The following BRINP3 variants were observed in gnomAD, a reference collection of about 807,000 sequenced individuals.
The protein encoded by BRINP3 is BMP/retinoic acid-inducible neural-specific protein 3.
Under a neutral mutation model 71.0 loss-of-function variants are expected in BRINP3, and 19 were observed. The ratio of observed to expected loss-of-function variants is 0.27; its 90% CI spans 0.19 to 0.39. The LOEUF (loss-of-function observed/expected upper bound fraction) is 0.39. Ranked by LOEUF, BRINP3 falls within the 10% of genes least tolerant of loss-of-function variation. The pLI is 1.00. For missense variants in BRINP3, 959 were observed against 940.8 expected, an observed-to-expected ratio of 1.02 and a Z score of -0.25; for synonymous variants, 380 against 337.7, an observed-to-expected ratio of 1.13 and a Z score of -1.37.
intron 2 of BRINP3, among the ~76,000 whole-genome samples, chr1:190,283,073 T>C (rs1322914784): frequency 4.6e-5 from 7 of 152,002 alleles, no homozygotes; most frequent in Admixed American, 4.6e-4. Context: ...TTAGTACTTG[T>C]GGCACATATT....
At position 190,202,993 on chromosome 1, in the gene BRINP3, T is replaced by C. The variant is rs553595762; in HGVS notation, c.961+23089A>G. Among the ~76,000 whole-genome samples, 18 of 152,194 alleles carry C rather than the reference T, an allele frequency of 1.2e-4. No homozygotes were observed. The South Asian group carries it at 3.7e-3, about 32-fold the overall frequency. ...AGATCCCCTATACTTGAGCTCCATT[T>C]AGGTTATTGTAATAATAAACATGGC... On this transcript the variant is annotated intron_variant, in intron 6 of 7. Coordinates refer to ENST00000367462, the MANE Select transcript of BRINP3 (RefSeq NM_199051.3).
At chr1:190,248,688 A>G (rs1659840887) in intron 4 of BRINP3, among the ~76,000 whole-genome samples, 1 of 151,798 alleles carries the variant, frequency 6.6e-6, no homozygotes, top group African/African-American at 2.4e-5. Context: ...TAGTACATAT[A>G]TTCAGAGTCT....
At chr1:190,218,761 C>T (rs1656625716) in intron 6 of BRINP3, among the ~76,000 whole-genome samples, 1 of 152,028 alleles carries the variant, frequency 6.6e-6, no homozygotes, top group African/African-American at 2.4e-5. Context: ...CCTCTATTCA[C>T]CAATGTCTGC....
At chr1:190,440,686 T>A (rs898802273) in intron 2 of BRINP3, among the ~76,000 whole-genome samples, 1 of 152,018 alleles carries the variant, frequency 6.6e-6, no homozygotes, top group Non-Finnish European at 1.5e-5. Flanking sequence ...TTCTATAACG[T>A]CAACTTATCA....
intron 2 of BRINP3, among the ~76,000 whole-genome samples, chr1:190,283,703 G>C (rs889987549): frequency 6.7e-6 from 1 of 149,888 alleles, no homozygotes; most frequent in Non-Finnish European, 1.5e-5. Flanking sequence ...AAGATCATTT[G>C]AAATCAAATA....
intron 7 of BRINP3, among the ~76,000 whole-genome samples, chr1:190,107,553 C>A (rs1327908989): frequency 1.3e-5 from 2 of 151,866 alleles, no homozygotes; most frequent in Non-Finnish European, 2.9e-5. Flanking sequence ...TAATTAAGCC[C>A]ACTATAACAA....
At chr1:190,263,507 C>A (rs920906743) in intron 4 of BRINP3, among the ~76,000 whole-genome samples, 1 of 151,814 alleles carries the variant, frequency 6.6e-6, no homozygotes, top group Non-Finnish European at 1.5e-5. Context: ...CAGTACATCC[C>A]GAACAAAAAG....
chr1:190,294,496 C>G (rs1664102290), intron 2 of BRINP3, among the ~76,000 whole-genome samples: 1 of 152,002 alleles, frequency 6.6e-6, no homozygotes, highest in African/African-American at 2.4e-5. Context: ...AAGTGATCCT[C>G]CTGCCTTGGC....
intron 2 of BRINP3, among the ~76,000 whole-genome samples, chr1:190,301,513 T>C (rs1664737273): frequency 6.6e-6 from 1 of 151,720 alleles, no homozygotes; most frequent in Non-Finnish European, 1.5e-5. Flanking sequence ...TGTTATTCCA[T>C]AATTCCTTCA....
chr1:190,447,299 G>T (rs868646410), intron 2 of BRINP3, among the ~76,000 whole-genome samples: 1 of 144,288 alleles, frequency 6.9e-6, no homozygotes. Context: ...GTGTAAAATA[G>T]TATATATATA....
At chr1:190,256,869 C>A (rs542076201) in intron 4 of BRINP3, among the ~76,000 whole-genome samples, 1 of 152,236 alleles carries the variant, frequency 6.6e-6, no homozygotes, top group Non-Finnish European at 1.5e-5. Context: ...TTTAGTCTGA[C>A]GTGCTACCCT....
chr1:190,249,808 C>A (rs1164608031), intron 4 of BRINP3, among the ~76,000 whole-genome samples: 1 of 151,756 alleles, frequency 6.6e-6, no homozygotes, highest in Non-Finnish European at 1.5e-5. Flanking sequence ...TCACAAAAGA[C>A]TAATGATATA....
intron 3 of BRINP3, among the ~76,000 whole-genome samples, chr1:190,268,509 A>G (rs1661840411): frequency 6.6e-6 from 1 of 152,146 alleles, no homozygotes; most frequent in African/African-American, 2.4e-5. Flanking sequence ...AGACAAACAT[A>G]CCCACAGTTG....
intron 6 of BRINP3, among the ~76,000 whole-genome samples, chr1:190,214,345 G>A (rs550622931): frequency 5.3e-5 from 8 of 152,176 alleles, no homozygotes; most frequent in East Asian, 3.9e-4. Flanking sequence ...TGAGGAGGCC[G>A]TCAAGCCTCA....
At chr1:190,211,522 C>G (rs929383441) in intron 6 of BRINP3, among the ~76,000 whole-genome samples, 1 of 152,068 alleles carries the variant, frequency 6.6e-6, no homozygotes, top group African/African-American at 2.4e-5. Flanking sequence ...TCATTCATCA[C>G]TCAATCAGGA....
chr1:190,458,361 A>G (rs1208133919), intron 1 of BRINP3, among the ~76,000 whole-genome samples: 1 of 152,124 alleles, frequency 6.6e-6, no homozygotes, highest in Non-Finnish European at 1.5e-5. Context: ...AATAGTGTTT[A>G]AGAACTTTTT....
At chr1:190,359,448 A>G (rs1324748534) in intron 2 of BRINP3, among the ~76,000 whole-genome samples, 1 of 152,106 alleles carries the variant, frequency 6.6e-6, no homozygotes, top group Non-Finnish European at 1.5e-5. Context: ...TTATGCCTAT[A>G]TAATGAGGCC....
In BRINP3 at chr1:190,364,505, A is replaced by G. The variant is rs555150095; in HGVS notation, c.237-82755T>C. ...ACAGGAACTTGGCAATCAAAAGCTA[A>G]GGAGCAGAAGAACATCAAACAGTCT... On this transcript the variant is annotated intron_variant, in intron 2 of 7. Coordinates refer to ENST00000367462, the MANE Select transcript of BRINP3 (RefSeq NM_199051.3). 3.9e-5 allele frequency among the ~76,000 whole-genome samples: 6 copies of G among 152,228 alleles called. No homozygotes were observed. In the South Asian group the frequency reaches 1.2e-3, roughly 32 times the overall value.
chr1:190,231,132 A>G (rs1221609521), intron 5 of BRINP3, among the ~76,000 whole-genome samples: 1 of 151,770 alleles, frequency 6.6e-6, no homozygotes, highest in Non-Finnish European at 1.5e-5. Flanking sequence ...TTTAAAGCAA[A>G]TATAATCAGC....
Sources: allele counts gnomAD v4.1 joint callset (sites outside exome capture counted in the v4.1 genomes callset), GRCh38; gene constraint gnomAD v4.1.1; transcripts MANE v1.5; gene names NCBI Gene and HGNC (gene_info 2026-07-23, HGNC 2026-07-21).